ZNF638: variants seen among roughly 807,000 people sequenced by gnomAD.
ZNF638 encodes zinc finger protein 638, also known as CTCL tumor antigen se33-1.
Under a neutral mutation model 195.6 loss-of-function variants are expected in ZNF638, and 46 were observed. The ratio of observed to expected loss-of-function variants is 0.24; its 90% CI spans 0.19 to 0.30. The LOEUF (loss-of-function observed/expected upper bound fraction) is 0.30, where lower values mean the gene tolerates loss of function less well. Among genes scored for constraint, ZNF638 ranks in the 10% least tolerant of loss-of-function variants. The pLI, the probability that ZNF638 is intolerant of heterozygous loss-of-function variation, is 1.00. For missense variants in ZNF638, 2,440 were observed against 2,325.3 expected (o/e 1.05, Z -1.01); for synonymous variants, 845 against 772.0 (o/e 1.09, Z -1.57).
At chr2:71,399,083 A>ATAGAG (rs1407507916) in intron 12 of ZNF638, among the ~76,000 whole-genome samples, 4 of 152,092 alleles carry the variant, frequency 2.6e-5, no homozygotes, top group Non-Finnish European at 4.4e-5. Flanking sequence ...AGAGTTGTCA[A>ATAGAG]TTCATATTGC....
chr2:71,368,555 T>C, intron 7 of ZNF638, 27 bp downstream of exon 7: 1 of 1,608,338 alleles, frequency 6.2e-7, no homozygotes, highest in Non-Finnish European at 8.5e-7. Context: ...GTGGCAAAAA[T>C]TCATACAAAG....
At chr2:71,369,845 T>C (rs1159918115) in intron 7 of ZNF638, 38 bp from the exon 8 acceptor site, 2 of 1,545,616 alleles carry the variant, frequency 1.3e-6, no homozygotes, top group Non-Finnish European at 1.7e-6. Context: ...CTTTTAAAGA[T>C]AGATTTGTGA....
rs376442297 is a variant in ZNF638, at chr2:71,381,109, T to C, written c.2377+544T>C. On this transcript the variant is annotated intron_variant, in intron 10 of 27. Coordinates refer to ENST00000264447, the MANE Select transcript of ZNF638 (RefSeq NM_014497.5). ...TACAGTTTTATAATCCGGGTTCTCC[T>C]TTTTCTTAGTCCATTTAGGACTAGA... Among the ~76,000 whole-genome samples, 19 of 152,260 alleles carry C rather than the reference T, an allele frequency of 1.2e-4. 1 individual carries two copies. The highest frequency in any genetic ancestry group is 4.6e-4 in the African/African-American group (19 of 41,576).
chr2:71,428,565 G>C lies in ZNF638; in HGVS notation c.5564G>C (p.Arg1855Thr). 6.2e-7 allele frequency: 1 copy of C among 1,613,878 alleles called. No individual in the cohort carries two copies. The change falls in exon 25 of 28, where the codon AGA (arginine) becomes ACA (threonine). Residue 1855 changes from arginine to threonine, a missense_variant. Around this residue, in one of 5 missense-constraint regions of ZNF638, gnomAD observed 1,883 missense variants for 1,739.1 expected, o/e 1.08. Transcript: ENST00000264447. ...RHLTAKTPTK[R>T]VRIGKTLPSE... The stretch of plus-strand genomic sequence containing the variant: ...TTTAAAGCTAAAACTCCAACCAAGA[G>C]AGTTAGAATTGGGAAAACTCTGCCA...
rs144545489 is a variant in ZNF638 at position 71,353,981 on chromosome 2, A to G, written c.1318-1738A>G. ...AAACATTTCTTTTTTGTAGTCCACA[A>G]TCAGTTCCATGGCTTAATGAAATAG... is the stretch of plus-strand genomic sequence containing the variant. On this transcript the variant is annotated intron_variant, in intron 2 of 27. Transcript: ENST00000264447. Among the ~76,000 whole-genome samples the G allele has an allele frequency of 1.9e-4, 29 of 152,318 alleles. No individual in the cohort carries two copies. In the East Asian group the frequency reaches 5.0e-3, roughly 26 times the overall value.
chr2:71,347,585 T>C (rs111332969), intron 1 of ZNF638, among the ~76,000 whole-genome samples: 71 of 152,328 alleles, frequency 4.7e-4, no homozygotes, highest in African/African-American at 1.7e-3. Context: ...ACCATGCATT[T>C]CAATCACACA....
chr2:71,417,936 A>G (rs2080337902), intron 20 of ZNF638, among the ~76,000 whole-genome samples: 1 of 152,146 alleles, frequency 6.6e-6, no homozygotes, highest in Non-Finnish European at 1.5e-5. Flanking sequence ...TTCTACCCAG[A>G]GAGTGCATGA....
At chr2:71,335,633 A>G (rs1241630907) in intron 1 of ZNF638, among the ~76,000 whole-genome samples, 2 of 152,218 alleles carry the variant, frequency 1.3e-5, no homozygotes, top group African/African-American at 4.8e-5. Context: ...GTGCCTGTCC[A>G]GTTTCAATTA....
At chr2:71,393,785 C>G in intron 10 of ZNF638, 2 of 618,628 alleles carry the variant, frequency 3.2e-6, no homozygotes, top group Non-Finnish European at 5.8e-6. Context: ...TTCCCAGCCT[C>G]TAATAACGTT....
At chr2:71,360,344 G>A (rs115685419) in intron 3 of ZNF638, among the ~76,000 whole-genome samples, 1 of 152,252 alleles carries the variant, frequency 6.6e-6, no homozygotes, top group African/African-American at 2.4e-5. Context: ...GAAGTATTAG[G>A]ATGTTCTGCA....
Position 71,349,948 on chromosome 2 carries a change from A to G in ZNF638, c.994A>G (p.Met332Val), listed in dbSNP as rs757705850. Residue 332 changes from methionine (M) to valine (V), a missense_variant, in exon 2 of 28, where the codon ATG becomes GTG. Physicochemically the swap from Met to Val is conservative, Grantham distance 21 (BLOSUM62 1). Around this residue, in one of 5 missense-constraint regions of ZNF638, gnomAD observed 305 missense variants for 283.6 expected, o/e 1.08. Coordinates refer to ENST00000264447, the MANE Select transcript of ZNF638 (RefSeq NM_014497.5). ...TMSQSLIPPS[M>V]NQQPFSSELI... is the part of the protein sequence containing the mutation. ...GAGTCAATCTCTGATTCCTCCATCT[A>G]TGAACCAGCAACCTTTTTCGTCGGA... 1.5e-5 allele frequency: 25 copies of G among 1,614,122 alleles called. No homozygotes were observed. The highest frequency in any genetic ancestry group is 1.6e-4 in the Middle Eastern group (1 of 6,084).
At chr2:71,372,464 G>C (rs774147994) in intron 8 of ZNF638, among the ~76,000 whole-genome samples, 2 of 152,144 alleles carry the variant, frequency 1.3e-5, no homozygotes, top group African/African-American at 4.8e-5. Flanking sequence ...TAGTTACTGC[G>C]CTGTCCCTTC....
chr2:71,355,986 A>C (rs946277073), intron 3 of ZNF638, among the ~76,000 whole-genome samples: 1 of 152,190 alleles, frequency 6.6e-6, no homozygotes, highest in Non-Finnish European at 1.5e-5. Context: ...ACACTTTTCT[A>C]ACTTAATTCC....
intron 1 of ZNF638, among the ~76,000 whole-genome samples, chr2:71,337,355 T>G (rs1249562099): frequency 4.6e-5 from 7 of 152,202 alleles, no homozygotes; most frequent in South Asian, 2.1e-4. Flanking sequence ...GTGTATTTCC[T>G]AAAAATATTT....
chr2:71,363,565 A>G (rs936203431), intron 4 of ZNF638, among the ~76,000 whole-genome samples: 1 of 152,256 alleles, frequency 6.6e-6, no homozygotes, highest in Non-Finnish European at 1.5e-5. Context: ...ATATTTATAG[A>G]TGGCATAATC....
At chr2:71,395,141 G>A in intron 10 of ZNF638, 1 of 678,282 alleles carries the variant, frequency 1.5e-6, no homozygotes, top group Non-Finnish European at 2.8e-6. Flanking sequence ...CAGTTATATG[G>A]AAGGATGTGC....
intron 6 of ZNF638, 128 bp downstream of exon 6, chr2:71,365,834 CTCATCT>C: frequency 1.1e-6 from 1 of 918,528 alleles, no homozygotes; most frequent in Non-Finnish European, 1.6e-6. Flanking sequence ...ATCCTCCTGC[CTCATCT>C]TCCCAAGTAG....
intron 6 of ZNF638, among the ~76,000 whole-genome samples, chr2:71,367,988 A>G (rs1256354424): frequency 6.6e-6 from 1 of 152,156 alleles, no homozygotes; most frequent in East Asian, 1.9e-4. Context: ...ATTAGAACAG[A>G]GGGGGTAAGC....
intron 25 of ZNF638, 128 bp downstream of exon 25, chr2:71,428,779 A>C (rs2080593063): frequency 1.5e-6 from 1 of 678,166 alleles, no homozygotes; most frequent in Non-Finnish European, 2.5e-6. Flanking sequence ...AAAGTCAACT[A>C]TAGTTATTAG....
Sources: gnomAD v4.1 joint callset for allele counts (sites outside exome capture counted in the v4.1 genomes callset) on GRCh38, gnomAD v4.1.1 for gene constraint, gnomAD v4.1.1 regional missense constraint, MANE v1.5 for transcripts, NCBI Gene and HGNC (gene_info 2026-07-23, HGNC 2026-07-21) for gene names.